GALNT17: variants seen among roughly 807,000 people sequenced by gnomAD.
The protein encoded by GALNT17 is polypeptide N-acetylgalactosaminyltransferase 17.
In GALNT17, 29 loss-of-function variants were observed where a neutral mutation model predicts 63.7. The observed-to-expected ratio is 0.46, with a 90% CI of 0.34 to 0.62. The LOEUF (loss-of-function observed/expected upper bound fraction) is 0.62. Among genes scored for constraint, GALNT17 ranks in the 20% least tolerant of loss-of-function variants. The pLI, the probability that GALNT17 is intolerant of heterozygous loss-of-function variation, is 0.01. For synonymous variants in GALNT17, 305 were observed against 318.3 expected, an observed-to-expected ratio of 0.96 and a Z score of 0.45; for missense variants, 603 against 799.6, an observed-to-expected ratio of 0.75 and a Z score of 2.97.
chr7:71,359,113 T>C (rs1792349029), intron 2 of GALNT17, among the ~76,000 whole-genome samples: 1 of 152,234 alleles, frequency 6.6e-6, no homozygotes, highest in Non-Finnish European at 1.5e-5. Context: ...AAAGGGACCA[T>C]TGTTAGTGTC....
chr7:71,438,070 C>A (rs74806425), intron 5 of GALNT17, among the ~76,000 whole-genome samples: 3,385 of 152,204 alleles, frequency 0.022, 53 homozygotes, highest in African/African-American at 0.041. Context: ...CAGTTTACTT[C>A]CCTGTAAAAT....
intron 6 of GALNT17, among the ~76,000 whole-genome samples, chr7:71,601,128 A>G (rs956402954): frequency 2.0e-5 from 3 of 151,728 alleles, no homozygotes; most frequent in African/African-American, 4.9e-5. Flanking sequence ...TCCATCATAT[A>G]TATATCATAT....
intron 7 of GALNT17, among the ~76,000 whole-genome samples, chr7:71,669,610 A>G (rs953729425): frequency 7.1e-6 from 1 of 140,718 alleles, no homozygotes; most frequent in African/African-American, 2.7e-5. Context: ...CACCTGGGCT[A>G]GAGTGTAGTG....
intron 1 of GALNT17, among the ~76,000 whole-genome samples, chr7:71,311,747 G>A (rs1322088890): frequency 6.6e-6 from 1 of 152,170 alleles, no homozygotes; most frequent in East Asian, 1.9e-4. Flanking sequence ...TTAGGGATGT[G>A]GATGGGTACA....
intron 8 of GALNT17, among the ~76,000 whole-genome samples, chr7:71,671,956 A>G (rs1462743577): frequency 6.7e-6 from 1 of 149,808 alleles, no homozygotes; most frequent in African/African-American, 2.5e-5. Flanking sequence ...TGAACCCGAT[A>G]GGCAGAAGTT....
At chr7:71,356,366 G>A (rs1312443605) in intron 2 of GALNT17, among the ~76,000 whole-genome samples, 6 of 151,582 alleles carry the variant, frequency 4.0e-5, no homozygotes, top group African/African-American at 1.4e-4. Flanking sequence ...TGCTGTCAAG[G>A]AATACCTGAG....
At chr7:71,670,950 C>A (rs1359413379) in intron 8 of GALNT17, among the ~76,000 whole-genome samples, 1 of 150,560 alleles carries the variant, frequency 6.6e-6, no homozygotes, top group African/African-American at 2.5e-5. Flanking sequence ...GTGTATATAC[C>A]CATGTATTTT....
intron 3 of GALNT17, among the ~76,000 whole-genome samples, chr7:71,389,140 C>CT (rs370291975): frequency 1.8e-4 from 26 of 147,724 alleles, no homozygotes; most frequent in African/African-American, 4.2e-4. Context: ...TACCCCTGCC[C>CT]TTTTTTTTTT....
At chr7:71,548,409 G>T (rs1433963163) in intron 5 of GALNT17, among the ~76,000 whole-genome samples, 1 of 152,182 alleles carries the variant, frequency 6.6e-6, no homozygotes, top group Non-Finnish European at 1.5e-5. Flanking sequence ...TTGTGGCCAT[G>T]GGCCACACCA....
intron 2 of GALNT17, among the ~76,000 whole-genome samples, chr7:71,376,088 G>GA (rs1326484289): frequency 4.0e-5 from 6 of 148,208 alleles, no homozygotes; most frequent in Non-Finnish European, 8.9e-5. Context: ...CCAAAAAAAA[G>GA]AAAAAGAAAA....
In GALNT17 at chr7:71,199,261, G is replaced by A. The variant is rs374584494; in HGVS notation, c.238+66221G>A. The stretch of plus-strand genomic sequence containing the variant: ...GCAAATGATCTATTTATTTTTCATG[G>A]GATGATTTTCCAGATCTTTGGTTTG... On this transcript the variant is annotated intron_variant, in intron 1 of 10. Transcript: ENST00000333538. Among the ~76,000 whole-genome samples, 235 of 152,204 alleles carry A rather than the reference G, an allele frequency of 1.5e-3. 3 individuals carry two copies. Among genetic ancestry groups the A allele is most frequent in the Non-Finnish European group, 2.2e-3 (151 of 68,016 alleles).
rs186003714 is a variant in GALNT17, at chr7:71,318,178, T to G, written c.239-17372T>G. ...ACCTTGGCCTCCCAAGTACTGGGAT[T>G]ATAGGCATAAGCCACTGTTCCCAGC... On this transcript the variant is annotated intron_variant, in intron 1 of 10. Transcript: ENST00000333538. Among the ~76,000 whole-genome samples the G allele has an allele frequency of 1.9e-3, 287 of 152,282 alleles. 4 individuals carry two copies. The highest frequency in any genetic ancestry group is 0.017 in the Admixed American group (264 of 15,296).
intron 4 of GALNT17, among the ~76,000 whole-genome samples, chr7:71,417,168 G>A (rs555725204): frequency 2.0e-4 from 31 of 152,292 alleles, no homozygotes; most frequent in Middle Eastern, 6.8e-3. Context: ...TTGAGTAAGT[G>A]TTGTTCACTG....
intron 1 of GALNT17, among the ~76,000 whole-genome samples, chr7:71,277,460 A>C (rs138692394): frequency 5.3e-5 from 8 of 152,198 alleles, no homozygotes; most frequent in African/African-American, 1.4e-4. Flanking sequence ...CCTATGTAAC[A>C]TGCCTGCACA....
chr7:71,281,585 G>T (rs1790777849), intron 1 of GALNT17, among the ~76,000 whole-genome samples: 1 of 152,186 alleles, frequency 6.6e-6, no homozygotes. Context: ...TGAGCATCAT[G>T]TAGAAAGGCA....
At chr7:71,609,617 G>T (rs1360285614) in intron 6 of GALNT17, among the ~76,000 whole-genome samples, 1 of 152,144 alleles carries the variant, frequency 6.6e-6, no homozygotes, top group Non-Finnish European at 1.5e-5. Context: ...GGCATGCAAT[G>T]CATAAAAATC....
intron 1 of GALNT17, among the ~76,000 whole-genome samples, chr7:71,162,472 G>A (rs988784202): frequency 2.0e-5 from 3 of 151,332 alleles, no homozygotes; most frequent in African/African-American, 7.3e-5. Context: ...ACAATATGTC[G>A]GGTCCAAAGA....
chr7:71,546,654 T>C (rs748787584), intron 5 of GALNT17, among the ~76,000 whole-genome samples: 3 of 152,208 alleles, frequency 2.0e-5, no homozygotes, highest in African/African-American at 2.4e-5. Context: ...TGTTTCCAAC[T>C]CTCAAAAGCA....
intron 1 of GALNT17, among the ~76,000 whole-genome samples, chr7:71,161,560 A>AT (rs1788342254): frequency 6.6e-6 from 1 of 152,076 alleles, no homozygotes; most frequent in Admixed American, 6.6e-5. Context: ...CAGGTTTTAC[A>AT]TTTTTTTATG....
Sources: allele counts gnomAD v4.1 joint callset (sites outside exome capture counted in the v4.1 genomes callset), GRCh38; gene constraint gnomAD v4.1.1; transcripts MANE v1.5; gene names NCBI Gene and HGNC (gene_info 2026-07-23, HGNC 2026-07-21).